Variants in CRYBA1 observed in about 807,000 individuals in gnomAD.
CRYBA1 encodes crystallin beta A1, also known as beta-crystallin A3.
A neutral mutation model predicts 36.2 loss-of-function variants in CRYBA1; 25 were observed. The observed-to-expected ratio is 0.69, with a 90% CI of 0.50 to 0.97. CRYBA1 has a LOEUF of 0.97. Among genes scored for constraint, CRYBA1 ranks in the 50% least tolerant of loss-of-function variants. CRYBA1 has a pLI of 0.00. For missense variants in CRYBA1, 224 were observed against 276.3 expected (o/e 0.81, Z 1.34); for synonymous variants, 111 against 90.0 (o/e 1.23, Z -1.32).
chr17:29,248,999 A>C, intron 1 of CRYBA1, 143 bp from the exon 2 acceptor site: 1 of 697,218 alleles, frequency 1.4e-6, no homozygotes, highest in Non-Finnish European at 2.7e-6. Flanking sequence ...ACAAACCCCG[A>C]GGCACAGCTA....
intron 4 of CRYBA1, among the ~76,000 whole-genome samples, chr17:29,252,836 G>T (rs189943305): frequency 6.6e-6 from 1 of 152,198 alleles, no homozygotes; most frequent in African/African-American, 2.4e-5. Context: ...AGAGTTTCTC[G>T]TGATTTTGGT....
chr17:29,250,874 A>G (rs1445821285), intron 3 of CRYBA1, among the ~76,000 whole-genome samples: 1 of 152,180 alleles, frequency 6.6e-6, no homozygotes, highest in African/African-American at 2.4e-5. Flanking sequence ...GACTCTTGGC[A>G]GAGTAGTTGA....
In CRYBA1 at chr17:29,254,395, T is replaced by C. The variant is rs1454750677; in HGVS notation, c.*46T>C. 6.3e-7 allele frequency: 1 copy of C among 1,596,526 alleles called. No individual in the cohort carries two copies. Among genetic ancestry groups the C allele is most frequent in the African/African-American group, 1.3e-5 (1 of 74,692 alleles). ...CGATAATTCCTCAAGCATGAGACCT[T>C]GCTAAGCACTCTAGAATAAGTTTTA... On this transcript the variant is annotated 3_prime_UTR_variant, in exon 6 of 6. Transcript: ENST00000225387.
intron 5 of CRYBA1, 32 bp downstream of exon 5, chr17:29,253,814 C>G: frequency 6.2e-7 from 1 of 1,612,606 alleles, no homozygotes; most frequent in Non-Finnish European, 8.5e-7. Context: ...GAATATACTT[C>G]AAAGTAACTC....
rs978376121 is a variant in CRYBA1 at position 29,249,268 on chromosome 17, A to G, written c.96+62A>G. The G allele has an allele frequency of 7.7e-6, 9 of 1,170,210 alleles. No individual in the cohort carries two copies. The African/African-American group carries it at 1.2e-4, about 16-fold the overall frequency. The allele number at this position is 1,170,210 out of a possible 1,614,324, so 72.5% of individuals were successfully genotyped here. A position where few individuals can be genotyped will look rare whatever the true frequency, so the allele number is the denominator to read the frequency against. ...TGACATGCTGCACAGAGCAGGCCCC[A>G]GGCCTGTGCTCGTCCATAAGGCAGT... On this transcript the variant is annotated intron_variant, in intron 2 of 5. Coordinates refer to ENST00000225387, the MANE Select transcript of CRYBA1 (RefSeq NM_005208.5).
At chr17:29,247,922 G>A (rs1014194215) in intron 1 of CRYBA1, among the ~76,000 whole-genome samples, 2 of 152,188 alleles carry the variant, frequency 1.3e-5, no homozygotes, top group Non-Finnish European at 2.9e-5. Flanking sequence ...TTCAAGACCA[G>A]CCTGACCAAC....
chr17:29,254,019 G>A (rs554968161), intron 5 of CRYBA1, among the ~76,000 whole-genome samples, 183 bp from the exon 6 acceptor site: 2 of 152,260 alleles, frequency 1.3e-5, no homozygotes, highest in South Asian at 4.1e-4. Context: ...TGATGATTAA[G>A]GCTAATTAAC....
At chr17:29,253,909 A>G in intron 5 of CRYBA1, 127 bp downstream of exon 5, 4 of 1,301,592 alleles carry the variant, frequency 3.1e-6, no homozygotes, top group Non-Finnish European at 4.3e-6. Flanking sequence ...ATAATTTTGA[A>G]TCTCAATTTC....
intron 4 of CRYBA1, among the ~76,000 whole-genome samples, chr17:29,253,285 G>A (rs1468206173): frequency 6.6e-6 from 1 of 152,138 alleles, no homozygotes; most frequent in African/African-American, 2.4e-5. Flanking sequence ...ACACGCAAGC[G>A]CACACATACA....
intron 2 of CRYBA1, 32 bp from the exon 3 acceptor site, chr17:29,250,121 GACCTGGACCTCTGTTTTTCCTGATGTTCT>G (rs1295151053): frequency 1.1e-5 from 10 of 940,870 alleles, no homozygotes; most frequent in Middle Eastern, 4.2e-4. Context: ...TTAAGCTGTT[GACCTGGACCTCTGTTTTTCCTGATGTTCT>G]AGCTCTCTTG....
At chr17:29,249,793 G>A (rs543694673) in intron 2 of CRYBA1, among the ~76,000 whole-genome samples, 1 of 152,204 alleles carries the variant, frequency 6.6e-6, no homozygotes, top group Non-Finnish European at 1.5e-5. Context: ...TCTATAGGGG[G>A]TATGGCTGGA....
intron 2 of CRYBA1, among the ~76,000 whole-genome samples, 190 bp downstream of exon 2, chr17:29,249,396 T>C (rs756493938): frequency 6.6e-6 from 1 of 152,168 alleles, no homozygotes; most frequent in Admixed American, 6.5e-5. Flanking sequence ...AAAGGAAGGA[T>C]GACTGTGGAT....
chr17:29,250,605 C>A (rs1403413435), intron 3 of CRYBA1, among the ~76,000 whole-genome samples: 9 of 152,104 alleles, frequency 5.9e-5, no homozygotes, highest in Non-Finnish European at 8.8e-5. Context: ...ACCTAGGGTG[C>A]CCTCAGAACA....
At chr17:29,253,504 A>C in intron 4 of CRYBA1, 136 bp from the exon 5 acceptor site, 1 of 689,910 alleles carries the variant, frequency 1.4e-6, no homozygotes, top group Admixed American at 3.1e-5. Flanking sequence ...TTTTTCTCAC[A>C]AATCTGTTGC....
intron 4 of CRYBA1, 85 bp downstream of exon 4, chr17:29,252,290 TCA>T: frequency 6.4e-7 from 1 of 1,554,156 alleles, no homozygotes; most frequent in Non-Finnish European, 8.8e-7. Flanking sequence ...CTATTTATCA[TCA>T]GTTATGCTGA....
At chr17:29,247,808 C>G (rs1472500194) in intron 1 of CRYBA1, among the ~76,000 whole-genome samples, 2 of 152,194 alleles carry the variant, frequency 1.3e-5, no homozygotes, top group African/African-American at 4.8e-5. Flanking sequence ...TGGGTAGGAT[C>G]TAGGAGATAG....
At position 29,253,747 on chromosome 17, in the gene CRYBA1, C is replaced by T; in HGVS notation, c.465C>T (p.Asn155=). The T allele has an allele frequency of 6.2e-7, 1 of 1,614,178 alleles. No individual in the cohort carries two copies. Among genetic ancestry groups the T allele is most frequent in the South Asian group, 1.1e-5 (1 of 91,086 alleles). Residue 155 remains asparagine (N), a synonymous_variant, in exon 5 of 6, where the codon AAC becomes AAT. Coordinates refer to ENST00000225387, the MANE Select transcript of CRYBA1 (RefSeq NM_005208.5). ...YPSLQAMGWF[N]NEVGSMKIQS... ...CCTTGCAAGCCATGGGCTGGTTCAA[C>T]AACGAAGTCGGCTCCATGAAGATAC... is the stretch of plus-strand genomic sequence containing the variant.
chr17:29,249,369 AG>A (rs1341655958), intron 2 of CRYBA1, among the ~76,000 whole-genome samples, 163 bp downstream of exon 2: 1 of 152,242 alleles, frequency 6.6e-6, no homozygotes, highest in Non-Finnish European at 1.5e-5. Flanking sequence ...AGGATCTCTC[AG>A]GATGTCCCAC....
chr17:29,251,496 AT>A lies in CRYBA1; in HGVS notation c.216-554del, dbSNP rs142673604. Reference sequence around the variant, plus strand: ...GTGATTTGGAGAAAAAGAAAAAAAAATTTTTTTTTTTTTTGAGGCAAGGTGT... The same window carrying A: ...GTGATTTGGAGAAAAAGAAAAAAAAATTTTTTTTTTTTTGAGGCAAGGTGT... On this transcript the variant is annotated intron_variant, in intron 3 of 5. Coordinates refer to ENST00000225387, the MANE Select transcript of CRYBA1 (RefSeq NM_005208.5). Among the ~76,000 whole-genome samples, 218 of 148,072 alleles carry A rather than the reference AT, an allele frequency of 1.5e-3. 1 individual carries two copies. Among genetic ancestry groups the A allele is most frequent in the Middle Eastern group, 3.5e-3 (1 of 288 alleles).
Sources: allele counts gnomAD v4.1 joint callset (sites outside exome capture counted in the v4.1 genomes callset), GRCh38; gene constraint gnomAD v4.1.1; transcripts MANE v1.5; gene names NCBI Gene and HGNC (gene_info 2026-07-23, HGNC 2026-07-21).